The following NTN1 variants were observed in gnomAD, a reference collection of about 807,000 sequenced individuals.
NTN1 encodes the protein netrin 1.
Under a neutral mutation model 54.2 loss-of-function variants are expected in NTN1, and 11 were observed. The observed-to-expected ratio is 0.20, with a 90% CI of 0.13 to 0.34. NTN1 has a LOEUF of 0.34. NTN1 is among the 10% of genes least tolerant of loss of function. The pLI is 1.00. For missense variants in NTN1, 740 were observed against 893.1 expected (o/e 0.83, Z 2.18); for synonymous variants, 371 against 382.0 (o/e 0.97, Z 0.33).
At chr17:9,053,384 G>A (rs1187591195) in intron 2 of NTN1, among the ~76,000 whole-genome samples, 1 of 152,234 alleles carries the variant, frequency 6.6e-6, no homozygotes, top group Non-Finnish European at 1.5e-5. Context: ...GAGAGCTGTT[G>A]TAAAAGCTCT....
intron 2 of NTN1, among the ~76,000 whole-genome samples, chr17:9,156,917 C>T (rs2092344186): frequency 1.3e-5 from 2 of 152,044 alleles, no homozygotes; most frequent in Non-Finnish European, 2.9e-5. Context: ...TCCATCCATC[C>T]ATCCATGCAT....
intron 2 of NTN1, among the ~76,000 whole-genome samples, chr17:9,058,488 G>A (rs1320800896): frequency 2.0e-5 from 3 of 151,364 alleles, no homozygotes; most frequent in Non-Finnish European, 4.4e-5. Context: ...GCCCCACATG[G>A]CCAAGTCTTA....
At chr17:9,131,948 GC>G (rs1219804770) in intron 2 of NTN1, among the ~76,000 whole-genome samples, 1 of 150,424 alleles carries the variant, frequency 6.6e-6, no homozygotes, top group Non-Finnish European at 1.5e-5. Context: ...GACTACAGGC[GC>G]CCGCAACCAC....
At chr17:9,080,817 G>T (rs2092068172) in intron 2 of NTN1, among the ~76,000 whole-genome samples, 1 of 152,230 alleles carries the variant, frequency 6.6e-6, no homozygotes, top group Non-Finnish European at 1.5e-5. Flanking sequence ...ACAGCGTTTG[G>T]AGAGCTTCTG....
In NTN1 at chr17:9,118,994, G is replaced by A. The variant is rs548795002; in HGVS notation, c.1019-43819G>A. Among the ~76,000 whole-genome samples the A allele has an allele frequency of 4.6e-5, 7 of 152,130 alleles. No individual in the cohort carries two copies. The South Asian group carries it at 1.5e-3, about 32-fold the overall frequency. On this transcript the variant is annotated intron_variant, in intron 2 of 6. Transcript: ENST00000173229. ...GTGGACATGTGTTTTCATTTCTCTT[G>A]GGTATATGCCTAGAAGTGGAATAGC...
At chr17:9,048,062 T>C (rs934370845) in intron 2 of NTN1, among the ~76,000 whole-genome samples, 3 of 152,202 alleles carry the variant, frequency 2.0e-5, no homozygotes, top group Admixed American at 6.5e-5. Flanking sequence ...CAATTTACTT[T>C]GCCAAGATTC....
chr17:9,117,785 A>T (rs1404922128), intron 2 of NTN1, among the ~76,000 whole-genome samples: 1 of 151,038 alleles, frequency 6.6e-6, no homozygotes, highest in Admixed American at 6.6e-5. Context: ...AAAAAAAAAA[A>T]AACAAGCTTC....
intron 2 of NTN1, among the ~76,000 whole-genome samples, chr17:9,107,423 T>C (rs2092171053): frequency 6.6e-6 from 1 of 152,244 alleles, no homozygotes; most frequent in African/African-American, 2.4e-5. Flanking sequence ...TGTGGGCACT[T>C]ACTCCCCGGT....
chr17:9,184,517 A>G (rs184583878), intron 5 of NTN1, among the ~76,000 whole-genome samples: 6 of 152,350 alleles, frequency 3.9e-5, no homozygotes, highest in Admixed American at 2.6e-4. Context: ...TTGATGTGAC[A>G]TTTGTCCTTG....
intron 6 of NTN1, among the ~76,000 whole-genome samples, chr17:9,227,622 G>C (rs1230038427): frequency 1.8e-4 from 2 of 11,130 alleles, no homozygotes; most frequent in Admixed American, 2.3e-3. Context: ...CAGATACACA[G>C]ACTATCACGC....
At chr17:9,238,763 CCTTA>C (rs796325383) in intron 6 of NTN1, among the ~76,000 whole-genome samples, 7 of 152,294 alleles carry the variant, frequency 4.6e-5, no homozygotes, top group African/African-American at 1.4e-4. Flanking sequence ...TTGAAATCTC[CCTTA>C]CTATCTTGCA....
At chr17:9,160,465 GA>G (rs200028231) in intron 2 of NTN1, among the ~76,000 whole-genome samples, 4 of 151,592 alleles carry the variant, frequency 2.6e-5, no homozygotes, top group South Asian at 4.2e-4. Context: ...TCATTATTAT[GA>G]AAAAAAACCC....
At chr17:9,095,515 G>A (rs938812696) in intron 2 of NTN1, among the ~76,000 whole-genome samples, 1 of 152,154 alleles carries the variant, frequency 6.6e-6, no homozygotes, top group African/African-American at 2.4e-5. Flanking sequence ...ATGCTCCTTT[G>A]CCATGTGTTA....
At chr17:9,172,107 C>G (rs961187793) in intron 3 of NTN1, among the ~76,000 whole-genome samples, 1 of 152,022 alleles carries the variant, frequency 6.6e-6, no homozygotes, top group African/African-American at 2.4e-5. Context: ...AGGCTGGTCT[C>G]GAACTCCCAA....
intron 2 of NTN1, among the ~76,000 whole-genome samples, chr17:9,157,625 GC>G (rs1371597591): frequency 6.6e-6 from 1 of 152,230 alleles, no homozygotes; most frequent in Non-Finnish European, 1.5e-5. Context: ...CTGAAATGCA[GC>G]CACATGTGAT....
chr17:9,054,363 G>A lies in NTN1; in HGVS notation c.1018+30972G>A, dbSNP rs958303401. 3.3e-5 allele frequency among the ~76,000 whole-genome samples: 5 copies of A among 152,210 alleles called. 1 individual carries two copies. The highest frequency in any genetic ancestry group is 7.3e-5 in the Non-Finnish European group (5 of 68,040). On this transcript the variant is annotated intron_variant, in intron 2 of 6. Transcript: ENST00000173229. ...ACGAGAGCCCGCCTTGGGAGAAGCC[G>A]CCTGCCCAGGTCGGCCCGACCTGCC...
At chr17:9,025,865 G>A (rs1011016224) in intron 2 of NTN1, among the ~76,000 whole-genome samples, 1 of 152,322 alleles carries the variant, frequency 6.6e-6, no homozygotes, top group Middle Eastern at 3.4e-3. Context: ...CTAGGAAAAA[G>A]CATTAATAAA....
chr17:9,150,097 G>C (rs530063643), intron 2 of NTN1, among the ~76,000 whole-genome samples: 7 of 152,036 alleles, frequency 4.6e-5, no homozygotes, highest in Non-Finnish European at 8.8e-5. Flanking sequence ...CAGCTACTTG[G>C]GAGGCTGAGG....
intron 2 of NTN1, among the ~76,000 whole-genome samples, chr17:9,115,347 C>T (rs574689296): frequency 1.4e-4 from 22 of 152,298 alleles, no homozygotes; most frequent in African/African-American, 5.3e-4. Context: ...TCACCAAAGA[C>T]CCACAATGCT....
Sources: allele counts gnomAD v4.1 joint callset (sites outside exome capture counted in the v4.1 genomes callset), GRCh38; gene constraint gnomAD v4.1.1; transcripts MANE v1.5; gene names NCBI Gene and HGNC (gene_info 2026-07-23, HGNC 2026-07-21).